ANTXR1: variants seen among roughly 807,000 people sequenced by gnomAD.
The protein encoded by ANTXR1 is anthrax toxin receptor 1.
Under a neutral mutation model 78.1 loss-of-function variants are expected in ANTXR1, and 19 were observed. That is an observed-to-expected ratio of 0.24 (90% CI 0.17 to 0.36). ANTXR1 has a LOEUF of 0.36. Ranked by LOEUF, ANTXR1 falls within the 10% of genes least tolerant of loss-of-function variation. The probability of loss-of-function intolerance (pLI) is 1.00; values close to 1 mark genes in which losing one functional copy is unlikely to be tolerated. For synonymous variants in ANTXR1, 273 were observed against 260.5 expected, an observed-to-expected ratio of 1.05 and a Z score of -0.46; for missense variants, 518 against 718.6, an observed-to-expected ratio of 0.72 and a Z score of 3.19.
At chr2:69,072,776 A>G (rs1285134041) in intron 5 of ANTXR1, among the ~76,000 whole-genome samples, 1 of 152,106 alleles carries the variant, frequency 6.6e-6, no homozygotes, top group East Asian at 1.9e-4. Flanking sequence ...CCATTTCATC[A>G]GGTTTGGCCA....
chr2:69,095,635 CA>C (rs1573870270), intron 9 of ANTXR1, among the ~76,000 whole-genome samples: 2 of 152,282 alleles, frequency 1.3e-5, no homozygotes, highest in East Asian at 3.9e-4. Context: ...GGGAGGAATT[CA>C]GTGAGGCAGA....
intron 3 of ANTXR1, among the ~76,000 whole-genome samples, chr2:69,069,610 G>C (rs1182961720): frequency 6.6e-6 from 1 of 152,104 alleles, no homozygotes; most frequent in Non-Finnish European, 1.5e-5. Flanking sequence ...AGGTAGATTT[G>C]ACTTCAAGTC....
chr2:69,235,017 CTTTTTTTTT>C (rs748250586), intron 17 of ANTXR1, among the ~76,000 whole-genome samples: 1 of 83,366 alleles, frequency 1.2e-5, no homozygotes, highest in African/African-American at 5.1e-5. Flanking sequence ...ATGATGAAAG[CTTTTTTTTT>C]TTTTTTTTTT....
chr2:69,187,085 C>T (rs1291271177), intron 16 of ANTXR1, among the ~76,000 whole-genome samples: 1 of 152,208 alleles, frequency 6.6e-6, no homozygotes, highest in African/African-American at 2.4e-5. Flanking sequence ...AGACCCATTG[C>T]TTTACATGAA....
intron 14 of ANTXR1, among the ~76,000 whole-genome samples, chr2:69,177,857 ACTGGTAGCTCTGCCCCACTCTGTTCT>A (rs2104458272): frequency 6.6e-6 from 1 of 152,278 alleles, no homozygotes; most frequent in East Asian, 1.9e-4. Context: ...GTAGCTGTTC[ACTGGTAGCTCTGCCCCACTCTGTTCT>A]GCTCATCTTC....
chr2:69,242,648 A>G (rs1276868181), intron 17 of ANTXR1, among the ~76,000 whole-genome samples: 1 of 152,286 alleles, frequency 6.6e-6, no homozygotes, highest in East Asian at 1.9e-4. Context: ...GTTTCCCTTC[A>G]TCTTTCAAGG....
chr2:69,015,775 A>G (rs963655420), intron 1 of ANTXR1, among the ~76,000 whole-genome samples: 1 of 152,162 alleles, frequency 6.6e-6, no homozygotes, highest in Non-Finnish European at 1.5e-5. Context: ...TAAATGAAAA[A>G]TAAGCCATGA....
In ANTXR1 at chr2:69,246,483, T is replaced by C. The variant is rs991001651; in HGVS notation, c.*998T>C. ...CACTAGTTTTTTTTGTTTGTTTGTT[T>C]TTTGTTTTTTTTCTTGGTAAAGCCA... On this transcript the variant is annotated 3_prime_UTR_variant, in exon 18 of 18. Coordinates refer to ENST00000303714, the MANE Select transcript of ANTXR1 (RefSeq NM_032208.3). 7 of 151,930 alleles carry C rather than the reference T, an allele frequency of 4.6e-5. No individual in the cohort carries two copies. The highest frequency in any genetic ancestry group is 2.6e-4 in the Admixed American group (4 of 15,268). 9.4% of individuals were successfully genotyped at this position (151,930 alleles called of 1,614,324 possible). A position where few individuals can be genotyped will look rare whatever the true frequency, so the allele number is the denominator to read the frequency against.
At chr2:69,150,921 G>A (rs1673373544) in intron 12 of ANTXR1, among the ~76,000 whole-genome samples, 1 of 152,118 alleles carries the variant, frequency 6.6e-6, no homozygotes, top group South Asian at 2.1e-4. Flanking sequence ...CTACCCAGGA[G>A]GCTGAGATGG....
At chr2:69,219,285 C>G (rs1006643600) in intron 17 of ANTXR1, among the ~76,000 whole-genome samples, 4 of 151,910 alleles carry the variant, frequency 2.6e-5, no homozygotes, top group Admixed American at 2.0e-4. Flanking sequence ...GCGTAGTCAT[C>G]TCCTCAACCT....
At chr2:69,143,844 A>G (rs4488695) in intron 12 of ANTXR1, among the ~76,000 whole-genome samples, 33,452 of 152,052 alleles carry the variant, frequency 0.22, 3,975 homozygotes, top group East Asian at 0.35. Context: ...AGGAACGGTC[A>G]GAGATAAGAG....
intron 17 of ANTXR1, among the ~76,000 whole-genome samples, chr2:69,224,062 AG>A (rs770929633): frequency 1.3e-5 from 2 of 152,260 alleles, no homozygotes; most frequent in Non-Finnish European, 2.9e-5. Context: ...TTAAGGTAAT[AG>A]AAAAAGCCAG....
At chr2:69,045,728 C>A (rs1448577658) in intron 3 of ANTXR1, among the ~76,000 whole-genome samples, 1 of 151,970 alleles carries the variant, frequency 6.6e-6, no homozygotes, top group Non-Finnish European at 1.5e-5. Context: ...TTTCCCATGA[C>A]TTTGTTAGGA....
chr2:69,138,918 T>C (rs1672993488), intron 12 of ANTXR1, among the ~76,000 whole-genome samples: 1 of 152,208 alleles, frequency 6.6e-6, no homozygotes, highest in Non-Finnish European at 1.5e-5. Flanking sequence ...TTAGAATACT[T>C]TATAGGTATC....
intron 12 of ANTXR1, among the ~76,000 whole-genome samples, chr2:69,130,434 A>G (rs748043541): frequency 6.6e-6 from 1 of 152,242 alleles, no homozygotes; most frequent in Non-Finnish European, 1.5e-5. Flanking sequence ...CCTGAAATTC[A>G]ACAAACTGAG....
At chr2:69,209,759 C>A (rs529636443) in intron 17 of ANTXR1, among the ~76,000 whole-genome samples, 6 of 152,152 alleles carry the variant, frequency 3.9e-5, no homozygotes. Flanking sequence ...CAGAGGCCAG[C>A]GGTGATGGGT....
intron 3 of ANTXR1, among the ~76,000 whole-genome samples, chr2:69,069,090 G>A (rs1193921297): frequency 6.6e-6 from 1 of 152,096 alleles, no homozygotes; most frequent in African/African-American, 2.4e-5. Context: ...AGCAGCCCAG[G>A]GACAGGCAAA....
At chr2:69,218,775 G>A (rs146252720) in intron 17 of ANTXR1, among the ~76,000 whole-genome samples, 131 of 152,286 alleles carry the variant, frequency 8.6e-4, no homozygotes, top group African/African-American at 3.2e-3. Context: ...TGTAGCCGCT[G>A]TAACTTACAG....
At chr2:69,129,568 A>G (rs537366232) in intron 12 of ANTXR1, among the ~76,000 whole-genome samples, 4 of 152,270 alleles carry the variant, frequency 2.6e-5, no homozygotes, top group South Asian at 4.1e-4. Flanking sequence ...CCTGGCCAAC[A>G]TGGTGAAACC....
Sources: gnomAD v4.1 joint callset for allele counts (sites outside exome capture counted in the v4.1 genomes callset) on GRCh38, gnomAD v4.1.1 for gene constraint, MANE v1.5 for transcripts, NCBI Gene and HGNC (gene_info 2026-07-23, HGNC 2026-07-21) for gene names.